The following KIF1A variants were observed in gnomAD, a reference collection of about 807,000 sequenced individuals.
KIF1A encodes kinesin-like protein KIF1A.
In KIF1A, 46 loss-of-function variants were observed where a neutral mutation model predicts 227.3. The ratio of observed to expected loss-of-function variants is 0.20; its 90% CI spans 0.16 to 0.26. The LOEUF (loss-of-function observed/expected upper bound fraction) is 0.26, where lower values mean the gene tolerates loss of function less well. Among genes scored for constraint, KIF1A ranks in the 10% least tolerant of loss-of-function variants. KIF1A has a pLI of 1.00. For missense variants in KIF1A, 1,683 were observed against 2,485.9 expected, an observed-to-expected ratio of 0.68 and a Z score of 6.87; for synonymous variants, 1,022 against 1,012.8, an observed-to-expected ratio of 1.01 and a Z score of -0.17.
chr2:240,736,954 A>G lies in KIF1A; in HGVS notation c.4007+109T>C. On this transcript the variant is annotated intron_variant, in intron 38 of 48. Coordinates refer to ENST00000498729, the MANE Select transcript of KIF1A (RefSeq NM_001244008.2). This position sits in a 1 kb window ranked among gnomAD's most constrained non-coding sequence, Gnocchi z 4.7. ...AGGTGCCAGGAGGGAGGGCCGGGAG[A>G]GCGTTGAGCGGGTCACCTTGTGTGG... 4.7e-6 allele frequency: 4 copies of G among 859,292 alleles called. No homozygotes were observed. The highest frequency in any genetic ancestry group is 7.8e-6 in the Non-Finnish European group (4 of 515,730). The allele number at this position is 859,292 out of a possible 1,614,324, so 53.2% of individuals were successfully genotyped here.
intron 13 of KIF1A, 139 bp downstream of exon 13, chr2:240,772,974 TG>T: frequency 1.1e-6 from 1 of 908,364 alleles, no homozygotes; most frequent in Non-Finnish European, 1.6e-6. Context: ...AGAGGGGCTC[TG>T]GGAGCGGTGT....
rs2056015185 is a variant in KIF1A at position 240,793,609 on chromosome 2, C to T, written c.106+4038G>A. On this transcript the variant is annotated intron_variant, in intron 2 of 48. Transcript: ENST00000498729. The surrounding 1 kb of genome is among the most constrained non-coding windows in gnomAD (Gnocchi z 4.8). ...CAACTTCTGCCCCCAGGCCAACCTA[C>T]ACTAGCTCTGCCAGGTCGGACCGAA... Among the ~76,000 whole-genome samples, 1 of 152,230 alleles carries T rather than the reference C, an allele frequency of 6.6e-6. No individual in the cohort carries two copies. The highest frequency in any genetic ancestry group is 1.5e-5 in the Non-Finnish European group (1 of 68,042).
intron 29 of KIF1A, 102 bp downstream of exon 29, chr2:240,747,134 G>C (rs1281913861): frequency 1.3e-6 from 1 of 766,010 alleles, no homozygotes; most frequent in Non-Finnish European, 2.2e-6. Context: ...AGGACTCAGG[G>C]CCCGTGGGAT....
At chr2:240,753,112 C>T (rs2049419828) in intron 27 of KIF1A, among the ~76,000 whole-genome samples, 1 of 152,198 alleles carries the variant, frequency 6.6e-6, no homozygotes, top group Non-Finnish European at 1.5e-5. Flanking sequence ...GACCCACCAA[C>T]TTCTGAGCTA....
At position 240,717,221 on chromosome 2, in the gene KIF1A, G is replaced by C. The variant is rs186456890; in HGVS notation, c.*143C>G. 1 of 695,698 alleles carries C rather than the reference G, an allele frequency of 1.4e-6. No individual in the cohort carries two copies. The highest frequency in any genetic ancestry group is 2.5e-6 in the Non-Finnish European group (1 of 407,682). 43.1% of individuals were successfully genotyped at this position (695,698 alleles called of 1,614,324 possible). ...AGCTGGTCGTGTGGCACAGGTCCCCGGGCCTGGCATGGGCGTCCCCTGGGG... is the reference window on the plus strand; with the variant it reads ...AGCTGGTCGTGTGGCACAGGTCCCCCGGCCTGGCATGGGCGTCCCCTGGGG... On this transcript the variant is annotated 3_prime_UTR_variant, in exon 49 of 49. Coordinates refer to ENST00000498729, the MANE Select transcript of KIF1A (RefSeq NM_001244008.2).
At position 240,772,605 on chromosome 2, in the gene KIF1A, GA is replaced by G. The variant is rs1559515181; in HGVS notation, c.1181-10del. 1.3e-6 allele frequency: 2 copies of G among 1,543,482 alleles called. No homozygotes were observed. Among genetic ancestry groups the G allele is most frequent in the Admixed American group, 2.0e-5 (1 of 50,944 alleles). On this transcript the variant is annotated splice_polypyrimidine_tract_variant and intron_variant, in intron 13 of 48. Transcript: ENST00000498729. The stretch of plus-strand genomic sequence containing the variant: ...TCCAGGCACAGTGTTGGCTATGGGG[GA>G]GGGAAGCGTGGGGGAGGGGGAGAGA...
intron 17 of KIF1A, 135 bp from the exon 18 acceptor site, chr2:240,767,480 G>A (rs2051357346): frequency 1.4e-6 from 1 of 703,180 alleles, no homozygotes; most frequent in Non-Finnish European, 2.5e-6. Flanking sequence ...GGTGCCACCA[G>A]GCTGGTCACT....
chr2:240,745,574 C>T (rs1575562979), intron 31 of KIF1A, 57 bp from the exon 32 acceptor site: 1 of 1,508,956 alleles, frequency 6.6e-7, no homozygotes, highest in East Asian at 2.3e-5. Context: ...TGAGACCTTA[C>T]CAGGTGGAAC....
intron 38 of KIF1A, among the ~76,000 whole-genome samples, chr2:240,733,106 G>A (rs901666177): frequency 6.6e-6 from 1 of 151,936 alleles, no homozygotes; most frequent in Non-Finnish European, 1.5e-5. Flanking sequence ...GACTTTTCCT[G>A]ATTTTGCCTT....
chr2:240,742,846 T>C, intron 34 of KIF1A, 83 bp downstream of exon 34: 1 of 1,262,750 alleles, frequency 7.9e-7, no homozygotes, highest in Non-Finnish European at 1.1e-6. Context: ...GAGGACAGCA[T>C]TCACTGCGGG....
chr2:240,797,802 G>C lies in KIF1A; in HGVS notation c.-50C>G, dbSNP rs761334614. On this transcript the variant is annotated 5_prime_UTR_variant, in exon 2 of 49. Transcript: ENST00000498729. ...CTCGCAGTAGTGGGAGCCCCAGTGT[G>C]GGGGGAACACCTTGGAAAAAAGGGA... is the stretch of plus-strand genomic sequence containing the variant. 5.2e-5 allele frequency: 61 copies of C among 1,174,684 alleles called. No homozygotes were observed. Among genetic ancestry groups the C allele is most frequent in the Middle Eastern group, 1.9e-4 (1 of 5,200 alleles). The allele number at this position is 1,174,684 out of a possible 1,614,324, so 72.8% of individuals were successfully genotyped here.
At chr2:240,810,822 G>A (rs112062376) in intron 1 of KIF1A, among the ~76,000 whole-genome samples, 9 of 152,286 alleles carry the variant, frequency 5.9e-5, no homozygotes, top group African/African-American at 2.2e-4. Flanking sequence ...AAGGCCACTC[G>A]ATGTGCCCGC....
intron 6 of KIF1A, 25 bp downstream of exon 6, chr2:240,786,310 A>T: frequency 6.2e-7 from 1 of 1,607,624 alleles, no homozygotes; most frequent in South Asian, 1.1e-5. Context: ...GAGGGCAGGG[A>T]GGTCCAGTGA....
chr2:240,781,435 A>ACACACACACACACACACACAGCTC (rs2053953280), intron 10 of KIF1A, among the ~76,000 whole-genome samples: 1 of 43,172 alleles, frequency 2.3e-5, no homozygotes, highest in African/African-American at 3.1e-4. Context: ...ACAGCTCCAC[A>ACACACACACACACACACACAGCTC]CACACACACA....
At position 240,773,232 on chromosome 2, in the gene KIF1A, G is replaced by A; in HGVS notation, c.1062C>T (p.Ile354=). ...TLRYADRAKQ[I]RCNAVINEDP... is the part of the protein sequence containing the mutation. ...CCTCATTGATGACAGCATTGCAGCGGATCTGCTTGGCCCGGTCAGCATACC... is the reference window on the plus strand; with the variant it reads ...CCTCATTGATGACAGCATTGCAGCGAATCTGCTTGGCCCGGTCAGCATACC... Residue 354 remains isoleucine (I), a synonymous_variant, in exon 13 of 49, where the codon ATC becomes ATT. Transcript: ENST00000498729. The A allele has an allele frequency of 6.2e-7, 1 of 1,613,962 alleles. No homozygotes were observed.
At position 240,744,038 on chromosome 2, in the gene KIF1A, G is replaced by A. The variant is rs1267518823; in HGVS notation, c.3488C>T (p.Ser1163Phe). The change falls in exon 33 of 49, where the codon TCC (serine) becomes TTC (phenylalanine). Residue 1163 changes from serine to phenylalanine, a missense_variant. Around this residue, in one of 12 missense-constraint regions of KIF1A, gnomAD observed 759 missense variants for 1,020.2 expected, o/e 0.74. Transcript: ENST00000498729. ...CTGGCTCTTGATGTACTCAATGAAG[G>A]ACTTGGTCACCTCCACTGCGATCTG... ...VQNIAVEVTK[S>F]FIEYIKSQPI... 1 of 1,613,484 alleles carries A rather than the reference G, an allele frequency of 6.2e-7. No individual in the cohort carries two copies.
intron 15 of KIF1A, among the ~76,000 whole-genome samples, chr2:240,770,407 C>G (rs2051792377): frequency 6.6e-6 from 1 of 152,142 alleles, no homozygotes; most frequent in South Asian, 2.1e-4. Flanking sequence ...GCTCAGGAAC[C>G]TGCACCACAC....
intron 38 of KIF1A, among the ~76,000 whole-genome samples, chr2:240,730,359 A>G (rs376225015): frequency 3.9e-4 from 59 of 152,326 alleles, no homozygotes; most frequent in African/African-American, 1.3e-3. Flanking sequence ...GAGGTGGCCA[A>G]GATCACCCTG....
chr2:240,753,396 T>C (rs918281617), intron 27 of KIF1A, among the ~76,000 whole-genome samples: 3 of 152,200 alleles, frequency 2.0e-5, no homozygotes, highest in Non-Finnish European at 4.4e-5. Flanking sequence ...AAACGCTGTG[T>C]GGAACTGACT....
Sources: allele counts gnomAD v4.1 joint callset (sites outside exome capture counted in the v4.1 genomes callset), GRCh38; gene constraint gnomAD v4.1.1; regional missense constraint gnomAD v4.1.1; non-coding constraint Gnocchi (gnomAD v3.1); transcripts MANE v1.5; gene names NCBI Gene and HGNC (gene_info 2026-07-23, HGNC 2026-07-21).